The following ARHGAP28 variants were observed in gnomAD, a reference collection of about 807,000 sequenced individuals.
The protein encoded by ARHGAP28 is Rho GTPase activating protein 28.
In ARHGAP28, 56 loss-of-function variants were observed where a neutral mutation model predicts 90.7. The observed-to-expected ratio is 0.62, with a 90% CI of 0.50 to 0.77. ARHGAP28 has a LOEUF of 0.77. Among genes scored for constraint, ARHGAP28 ranks in the 30% least tolerant of loss-of-function variants. ARHGAP28 has a pLI of 0.00. For missense variants in ARHGAP28, 869 were observed against 900.9 expected (o/e 0.96, Z 0.45); for synonymous variants, 308 against 323.3 (o/e 0.95, Z 0.51).
At chr18:6,892,132 C>T (rs1026856975) in intron 14 of ARHGAP28, among the ~76,000 whole-genome samples, 6 of 152,116 alleles carry the variant, frequency 3.9e-5, no homozygotes, top group African/African-American at 1.4e-4. Flanking sequence ...GAAAAAATCA[C>T]ATAATATAAA....
At chr18:6,775,553 G>A (rs1203453593) in intron 1 of ARHGAP28, among the ~76,000 whole-genome samples, 1 of 152,150 alleles carries the variant, frequency 6.6e-6, no homozygotes, top group Non-Finnish European at 1.5e-5. Flanking sequence ...GATTTCAGGT[G>A]GTGTAAGCAA....
At chr18:6,772,542 T>G (rs1392228734) in intron 1 of ARHGAP28, among the ~76,000 whole-genome samples, 1 of 152,188 alleles carries the variant, frequency 6.6e-6, no homozygotes, top group East Asian at 1.9e-4. Context: ...ATACATTATA[T>G]GAGATATTCA....
intron 16 of ARHGAP28, chr18:6,897,671 G>A (rs1005356858): frequency 6.6e-6 from 1 of 152,168 alleles, no homozygotes; most frequent in Non-Finnish European, 1.5e-5. Context: ...AACTGTAAAA[G>A]TTAACATATT....
Position 6,824,596 on chromosome 18 carries a change from C to T in ARHGAP28, c.123-166C>T, listed in dbSNP as rs1401821888. 2.0e-5 allele frequency among the ~76,000 whole-genome samples: 3 copies of T among 151,926 alleles called. No individual in the cohort carries two copies. In the South Asian group the frequency reaches 6.2e-4, roughly 32 times the overall value. ...AGTATAGAGAATTTTTTTAAAAGGGCCACCACTGAGTGGAGATTATTCCCT... is the reference window on the plus strand; with the variant it reads ...AGTATAGAGAATTTTTTTAAAAGGGTCACCACTGAGTGGAGATTATTCCCT... On this transcript the variant is annotated intron_variant, in intron 1 of 17. Coordinates refer to ENST00000383472, the MANE Select transcript of ARHGAP28 (RefSeq NM_001366230.1).
chr18:6,773,860 T>A (rs1255871853), intron 1 of ARHGAP28: 1 of 152,200 alleles, frequency 6.6e-6, no homozygotes, highest in African/African-American at 2.4e-5. Flanking sequence ...TTTCTATTAA[T>A]CTCAGCCTTC....
intron 1 of ARHGAP28, among the ~76,000 whole-genome samples, chr18:6,775,459 C>A (rs542339364): frequency 6.6e-6 from 1 of 152,070 alleles, no homozygotes; most frequent in Non-Finnish European, 1.5e-5. Flanking sequence ...GTTAAGGAAG[C>A]CTTCGATGAA....
chr18:6,890,606 G>A (rs1407751607), intron 14 of ARHGAP28, 63 bp downstream of exon 14: 8 of 949,780 alleles, frequency 8.4e-6, no homozygotes, highest in African/African-American at 1.6e-5. Flanking sequence ...TCAAAGGGGG[G>A]CACAAAGTAG....
At chr18:6,781,042 C>T (rs1261838631) in intron 1 of ARHGAP28, among the ~76,000 whole-genome samples, 2 of 152,210 alleles carry the variant, frequency 1.3e-5, no homozygotes, top group Non-Finnish European at 2.9e-5. Context: ...TCCATCTAGT[C>T]ACAGCCACAG....
rs555660078 is a variant in ARHGAP28 at position 6,798,059 on chromosome 18, A to T, written c.123-26703A>T. Reference sequence around the variant, plus strand: ...TTAATAAAATTCAGTTTTTTAGAACACTAATGATAAAAATAGGAAATAAAA... The same window carrying T: ...TTAATAAAATTCAGTTTTTTAGAACTCTAATGATAAAAATAGGAAATAAAA... On this transcript the variant is annotated intron_variant, in intron 1 of 17. Transcript: ENST00000383472. Among the ~76,000 whole-genome samples, 2 of 82,868 alleles carry T rather than the reference A, an allele frequency of 2.4e-5. 1 individual carries two copies. The highest frequency in any genetic ancestry group is 8.4e-4 in the South Asian group (2 of 2,390). The allele number at this position is 82,868 out of a possible 152,430, so 54.4% of individuals were successfully genotyped here.
intron 1 of ARHGAP28, among the ~76,000 whole-genome samples, chr18:6,751,738 G>A (rs1444193895): frequency 3.9e-5 from 6 of 152,188 alleles, no homozygotes; most frequent in Non-Finnish European, 5.9e-5. Flanking sequence ...GTTGCTCCCT[G>A]CTAGCAGCGT....
At chr18:6,767,708 A>T (rs2056210301) in intron 1 of ARHGAP28, among the ~76,000 whole-genome samples, 1 of 151,980 alleles carries the variant, frequency 6.6e-6, no homozygotes, top group African/African-American at 2.4e-5. Flanking sequence ...TCTGTATGTA[A>T]TATGTCTGTT....
At chr18:6,737,272 A>G (rs2055937175) in intron 1 of ARHGAP28, among the ~76,000 whole-genome samples, 1 of 152,156 alleles carries the variant, frequency 6.6e-6, no homozygotes, top group South Asian at 2.1e-4. Context: ...TTTCTTAATG[A>G]CTGTTATCAT....
At position 6,859,900 on chromosome 18, in the gene ARHGAP28, A is replaced by G. The variant is rs746260458; in HGVS notation, c.726+3A>G. 6.2e-7 allele frequency: 1 copy of G among 1,613,460 alleles called. No homozygotes were observed. The highest frequency in any genetic ancestry group is 1.1e-5 in the South Asian group (1 of 91,066). Reference sequence around the variant, plus strand: ...CGGTTCCCAGGAGTGACTCTGTGGTAAGTCATCCATGTCAGCACAGTTACA... The same window carrying G: ...CGGTTCCCAGGAGTGACTCTGTGGTGAGTCATCCATGTCAGCACAGTTACA... On this transcript the variant is annotated splice_donor_region_variant and intron_variant, in intron 5 of 17. Coordinates refer to ENST00000383472, the MANE Select transcript of ARHGAP28 (RefSeq NM_001366230.1).
intron 14 of ARHGAP28, among the ~76,000 whole-genome samples, chr18:6,892,904 A>G (rs1375314382): frequency 6.6e-6 from 1 of 152,198 alleles, no homozygotes; most frequent in African/African-American, 2.4e-5. Flanking sequence ...CTGAGTCCTC[A>G]CTTCCTGCTT....
intron 1 of ARHGAP28, among the ~76,000 whole-genome samples, chr18:6,774,536 T>C (rs2056268539): frequency 6.6e-6 from 1 of 152,230 alleles, no homozygotes; most frequent in Admixed American, 6.5e-5. Flanking sequence ...GTGTTCTTAA[T>C]AGATGGTTAA....
intron 2 of ARHGAP28, among the ~76,000 whole-genome samples, chr18:6,835,059 C>T (rs532583927): frequency 6.6e-6 from 1 of 152,214 alleles, no homozygotes; most frequent in South Asian, 2.1e-4. Context: ...CTAGAGTGAG[C>T]AGCCAACAGG....
At chr18:6,894,977 G>A in intron 15 of ARHGAP28, 86 bp downstream of exon 15, 3 of 1,276,382 alleles carry the variant, frequency 2.4e-6, no homozygotes, top group Non-Finnish European at 3.4e-6. Context: ...TATAATGTTG[G>A]TCATGAACTA....
chr18:6,906,129 A>G (rs1488684149), intron 16 of ARHGAP28, among the ~76,000 whole-genome samples: 1 of 152,136 alleles, frequency 6.6e-6, no homozygotes, highest in Non-Finnish European at 1.5e-5. Flanking sequence ...ACTTTACTAG[A>G]TATTAAGGCT....
Position 6,914,272 on chromosome 18 carries a change from T to C in ARHGAP28, c.*2118T>C, listed in dbSNP as rs1178093961. On this transcript the variant is annotated 3_prime_UTR_variant, in exon 18 of 18. Transcript: ENST00000383472. ...GTAAAATACAAATTCTTGTCTACTTTCATGTGGTTTTAAATGGCAGGGACT... is the reference window on the plus strand; with the variant it reads ...GTAAAATACAAATTCTTGTCTACTTCCATGTGGTTTTAAATGGCAGGGACT... 6.6e-6 allele frequency: 1 copy of C among 152,194 alleles called. No individual in the cohort carries two copies. Among genetic ancestry groups the C allele is most frequent in the Non-Finnish European group, 1.5e-5 (1 of 68,034 alleles). The allele number at this position is 152,194 out of a possible 1,614,324, so 9.4% of individuals were successfully genotyped here.
Sources: gnomAD v4.1 joint callset for allele counts (sites outside exome capture counted in the v4.1 genomes callset) on GRCh38, gnomAD v4.1.1 for gene constraint, MANE v1.5 for transcripts, NCBI Gene and HGNC (gene_info 2026-07-23, HGNC 2026-07-21) for gene names.